Variants in PPP2CB observed in about 807,000 individuals in gnomAD.
The protein encoded by PPP2CB is serine/threonine-protein phosphatase 2A catalytic subunit beta isoform.
PPP2CB carries 18 observed loss-of-function variants against 39.1 expected under a neutral mutation model. That is an observed-to-expected ratio of 0.46 (90% CI 0.32 to 0.68). The LOEUF (loss-of-function observed/expected upper bound fraction) is 0.68, where lower values mean the gene tolerates loss of function less well. Among genes scored for constraint, PPP2CB ranks in the 30% least tolerant of loss-of-function variants. The pLI is 0.04. For missense variants in PPP2CB, 226 were observed against 396.9 expected (o/e 0.57, Z 3.66); for synonymous variants, 129 against 133.8 (o/e 0.96, Z 0.25).
intron 1 of PPP2CB, among the ~76,000 whole-genome samples, chr8:30,803,503 T>C (rs1028551740): frequency 2.6e-5 from 4 of 151,918 alleles, no homozygotes; most frequent in African/African-American, 9.7e-5. Flanking sequence ...TATGATCATG[T>C]TACTGTACTC....
intron 1 of PPP2CB, among the ~76,000 whole-genome samples, chr8:30,809,772 A>T (rs148692979): frequency 7.6e-4 from 116 of 151,764 alleles, no homozygotes; most frequent in Admixed American, 2.4e-3. Context: ...GAGACCCCAT[A>T]AAAAAAATAA....
At chr8:30,786,702 C>T (rs1317250529) in intron 6 of PPP2CB, among the ~76,000 whole-genome samples, 2 of 133,134 alleles carry the variant, frequency 1.5e-5, no homozygotes, top group East Asian at 2.2e-4. Flanking sequence ...CTTGCTCTGT[C>T]GCCCAGGCTG....
intron 6 of PPP2CB, among the ~76,000 whole-genome samples, chr8:30,789,178 G>A (rs1806390255): frequency 6.6e-6 from 1 of 151,912 alleles, no homozygotes; most frequent in African/African-American, 2.4e-5. Flanking sequence ...TTACAGGCAT[G>A]CGCCACCACA....
intron 1 of PPP2CB, among the ~76,000 whole-genome samples, chr8:30,804,424 T>C (rs1350816136): frequency 6.6e-6 from 1 of 152,172 alleles, no homozygotes; most frequent in African/African-American, 2.4e-5. Flanking sequence ...TGACTCACGA[T>C]GCGGACTTTG....
At chr8:30,787,411 C>A (rs1806362217) in intron 6 of PPP2CB, among the ~76,000 whole-genome samples, 2 of 152,198 alleles carry the variant, frequency 1.3e-5, no homozygotes, top group Non-Finnish European at 2.9e-5. Context: ...GTGATCATGG[C>A]TCACTGTAGC....
intron 6 of PPP2CB, among the ~76,000 whole-genome samples, chr8:30,790,017 T>G (rs1171313495): frequency 6.6e-6 from 1 of 152,166 alleles, no homozygotes; most frequent in Non-Finnish European, 1.5e-5. Context: ...CTGTGTGTGT[T>G]TCTTTTCCTC....
At chr8:30,789,134 GAT>G (rs1563574629) in intron 6 of PPP2CB, among the ~76,000 whole-genome samples, 2 of 151,522 alleles carry the variant, frequency 1.3e-5, no homozygotes, top group African/African-American at 4.9e-5. Context: ...AGGTTCAAGC[GAT>G]TCTCCTGCCT....
chr8:30,787,627 AC>A (rs1563574271), intron 6 of PPP2CB, among the ~76,000 whole-genome samples: 2 of 152,196 alleles, frequency 1.3e-5, no homozygotes, highest in Admixed American at 6.5e-5. Flanking sequence ...GAGCCACCGC[AC>A]CTGGCCAATT....
intron 1 of PPP2CB, among the ~76,000 whole-genome samples, chr8:30,800,089 A>T (rs903264438): frequency 1.3e-5 from 2 of 152,234 alleles, no homozygotes; most frequent in Admixed American, 6.5e-5. Context: ...TACTCAAGAG[A>T]AATGAAATCC....
chr8:30,787,284 T>A (rs1806359709), intron 6 of PPP2CB, among the ~76,000 whole-genome samples: 1 of 152,232 alleles, frequency 6.6e-6, no homozygotes. Context: ...TGTGACAGAA[T>A]GAATGCAGTA....
chr8:30,799,597 T>C lies in PPP2CB; in HGVS notation c.261A>G (p.Val87=), dbSNP rs1321530845. The C allele has an allele frequency of 1.4e-5, 23 of 1,613,888 alleles. No individual in the cohort carries two copies. Among genetic ancestry groups the C allele is most frequent in the Non-Finnish European group, 1.9e-5 (23 of 1,179,886 alleles). ...DTNYLFMGDY[V]DRGYYSVETV... Reference sequence around the variant, plus strand: ...TCTCCACTGAATAATATCCTCTGTCTACATAGTCACCCATGAATAAGTAGT... The same window carrying C: ...TCTCCACTGAATAATATCCTCTGTCCACATAGTCACCCATGAATAAGTAGT... Residue 87 remains valine, a synonymous_variant, in exon 2 of 7, where the codon GTA becomes GTG. Transcript: ENST00000221138.
chr8:30,807,150 A>ATAAAAT, intron 1 of PPP2CB, among the ~76,000 whole-genome samples: 2 of 152,312 alleles, frequency 1.3e-5, no homozygotes, highest in East Asian at 3.9e-4. Context: ...CTAAGAAAGG[A>ATAAAAT]GCTATTTTAT....
chr8:30,794,275 A>C lies in PPP2CB; in HGVS notation c.493T>G (p.Cys165Gly), dbSNP rs1438132055. The C allele has an allele frequency of 4.4e-6, 7 of 1,608,872 alleles. No homozygotes were observed. Among genetic ancestry groups the C allele is most frequent in the African/African-American group, 1.3e-5 (1 of 74,820 alleles). Residue 165 changes from cysteine to glycine, a missense_variant, in exon 4 of 7, where the codon TGC (cysteine) becomes GGC (glycine). Cys to Gly is a radical substitution (Grantham distance 159). Coordinates refer to ENST00000221138, the MANE Select transcript of PPP2CB (RefSeq NM_001009552.2). ...GATGGAGAGAGGCCACCATGGAGGCAGAATATCTATGTATGAATTAACAAA... is the reference window on the plus strand; with the variant it reads ...GATGGAGAGAGGCCACCATGGAGGCCGAATATCTATGTATGAATTAACAAA... ...LTALVDGQIF[C>G]LHGGLSPSID...
In PPP2CB at chr8:30,801,875, T is replaced by C. The variant is rs746422362; in HGVS notation, c.103-2120A>G. 5.3e-5 allele frequency among the ~76,000 whole-genome samples: 8 copies of C among 152,246 alleles called. No homozygotes were observed. In the East Asian group the frequency reaches 1.4e-3, roughly 26 times the overall value. ...GATGCGCCCAGCCCAGACTCTTAAT[T>C]TGAAGCAACTCTAAAGAGCAGGGAC... On this transcript the variant is annotated intron_variant, in intron 1 of 6. Transcript: ENST00000221138.
chr8:30,789,721 A>T (rs1806400691), intron 6 of PPP2CB, among the ~76,000 whole-genome samples: 1 of 152,178 alleles, frequency 6.6e-6, no homozygotes. Flanking sequence ...GTTGTGTTTA[A>T]GCCTCACATA....
chr8:30,795,260 CAT>C (rs1383560857), intron 3 of PPP2CB, among the ~76,000 whole-genome samples: 1 of 151,790 alleles, frequency 6.6e-6, no homozygotes, highest in East Asian at 1.9e-4. Context: ...GGTTTACAGA[CAT>C]GTGCCACCAT....
chr8:30,798,901 C>A (rs555516701), intron 2 of PPP2CB, among the ~76,000 whole-genome samples: 1 of 152,226 alleles, frequency 6.6e-6, no homozygotes, highest in Admixed American at 6.5e-5. Context: ...GACAGGATAA[C>A]CTCGTGGGGG....
At chr8:30,805,416 C>T (rs913160178) in intron 1 of PPP2CB, among the ~76,000 whole-genome samples, 8 of 151,846 alleles carry the variant, frequency 5.3e-5, no homozygotes, top group Admixed American at 2.0e-4. Flanking sequence ...AAAAATTAGC[C>T]GGGAGTGGTG....
intron 1 of PPP2CB, among the ~76,000 whole-genome samples, chr8:30,802,274 CAAT>C (rs1204868198): frequency 1.3e-5 from 2 of 152,148 alleles, no homozygotes; most frequent in Non-Finnish European, 2.9e-5. Flanking sequence ...ACAAATTAAA[CAAT>C]AATTTTACCA....
Sources: gnomAD v4.1 joint callset for allele counts (sites outside exome capture counted in the v4.1 genomes callset) on GRCh38, gnomAD v4.1.1 for gene constraint, MANE v1.5 for transcripts, NCBI Gene and HGNC (gene_info 2026-07-23, HGNC 2026-07-21) for gene names.